Variants in WNK3 observed in about 807,000 individuals in gnomAD.
WNK3 encodes the protein WNK lysine deficient protein kinase 3.
WNK3 carries 18 observed loss-of-function variants against 116.7 expected under a neutral mutation model. That is an observed-to-expected ratio of 0.15 (90% CI 0.11 to 0.23). The LOEUF is 0.23. WNK3 is among the 10% of genes least tolerant of loss of function. The probability of loss-of-function intolerance (pLI) is 1.00; values close to 1 mark genes in which losing one functional copy is unlikely to be tolerated. For synonymous variants in WNK3, 404 were observed against 469.4 expected (o/e 0.86, Z 1.80); for missense variants, 993 against 1,323.8 (o/e 0.75, Z 3.88).
chrX:54,237,888 G>A (rs1168003766), intron 19 of WNK3, among the ~76,000 whole-genome samples: 1 of 111,426 alleles, frequency 9.0e-6, no homozygotes, highest in Non-Finnish European at 1.9e-5. Context: ...AAAGGTGAGG[G>A]GATGCATGCA....
At chrX:54,246,662 G>A (rs1347257586) in intron 17 of WNK3, among the ~76,000 whole-genome samples, 4 of 112,021 alleles carry the variant, frequency 3.6e-5, no homozygotes, top group African/African-American at 1.3e-4. Context: ...TTCCCTAAGA[G>A]CAACTAGACC....
chrX:54,238,796 T>A (rs2067990709), intron 18 of WNK3, 72 bp downstream of exon 18: 1 of 874,216 alleles, frequency 1.1e-6, no homozygotes, highest in African/African-American at 2.1e-5. Context: ...GATTTGTATA[T>A]GAACAACAAA....
chrX:54,331,097 A>G (rs1382963283), intron 2 of WNK3, among the ~76,000 whole-genome samples: 1 of 110,168 alleles, frequency 9.1e-6, no homozygotes, highest in East Asian at 2.8e-4. Flanking sequence ...CAGGAAGAAC[A>G]GCTAATGGAT....
At chrX:54,236,075 G>A (rs1274064145) in intron 20 of WNK3, among the ~76,000 whole-genome samples, 1 of 111,212 alleles carries the variant, frequency 9.0e-6, no homozygotes, top group African/African-American at 3.3e-5. Context: ...TGAACCATGT[G>A]GATAGAATTA....
At chrX:54,246,622 TAC>T (rs1557152728) in intron 17 of WNK3, among the ~76,000 whole-genome samples, 1 of 112,119 alleles carries the variant, frequency 8.9e-6, no homozygotes, top group Non-Finnish European at 1.9e-5. Context: ...TATACCAAGA[TAC>T]AGTCTGATAA....
exon 24 of WNK3, chrX:54,195,133 A>C (rs1480890295): frequency 1.8e-5 from 2 of 112,229 alleles, no homozygotes; most frequent in Non-Finnish European, 3.8e-5. Context: ...TGTTACACCC[A>C]ACTTCACAGA....
At chrX:54,277,490 A>G (rs1483273175) in intron 10 of WNK3, among the ~76,000 whole-genome samples, 1 of 109,092 alleles carries the variant, frequency 9.2e-6, no homozygotes, top group African/African-American at 3.3e-5. Flanking sequence ...GGCACGTGCC[A>G]CCACGCCCAG....
chrX:54,346,279 C>CAAAAAA (rs150788845), intron 1 of WNK3, among the ~76,000 whole-genome samples: 35 of 30,300 alleles, frequency 1.2e-3, no homozygotes, highest in South Asian at 4.5e-3. Flanking sequence ...GCTGATCAGC[C>CAAAAAA]AAAAAAAAAA....
chrX:54,340,720 T>C (rs1311286904), intron 1 of WNK3, among the ~76,000 whole-genome samples: 1 of 111,397 alleles, frequency 9.0e-6, no homozygotes. Flanking sequence ...AAAAGACCAA[T>C]AAACACATAA....
At chrX:54,212,198 C>T (rs936874415) in intron 22 of WNK3, among the ~76,000 whole-genome samples, 1 of 112,373 alleles carries the variant, frequency 8.9e-6, no homozygotes, top group African/African-American at 3.2e-5. Context: ...TGCACTCCAG[C>T]CTGTGGGACA....
chrX:54,343,015 A>T (rs1338919883), intron 1 of WNK3, among the ~76,000 whole-genome samples: 3 of 110,399 alleles, frequency 2.7e-5, no homozygotes, highest in Admixed American at 9.7e-5. Flanking sequence ...CACCTAGCTA[A>T]CTTTTTGTAT....
At chrX:54,201,253 T>C (rs2067498314) in intron 23 of WNK3, among the ~76,000 whole-genome samples, 2 of 111,977 alleles carry the variant, frequency 1.8e-5, no homozygotes, top group Non-Finnish European at 3.8e-5. Context: ...ATCTAATGTA[T>C]ATAATTTTGC....
At chrX:54,213,564 AC>A (rs1435607372) in intron 22 of WNK3, among the ~76,000 whole-genome samples, 1,161 of 94,612 alleles carry the variant, frequency 0.012, 203 homozygotes, top group African/African-American at 0.04. Flanking sequence ...AAAAAAAAAA[AC>A]AAACAAAAAA....
intron 22 of WNK3, among the ~76,000 whole-genome samples, chrX:54,222,865 G>A (rs1223875975): frequency 1.1e-5 from 1 of 91,961 alleles, no homozygotes; most frequent in Non-Finnish European, 2.1e-5. Flanking sequence ...GACAGAGTGA[G>A]ACTCTGTCTC....
At chrX:54,326,334 C>T (rs2069104906) in intron 2 of WNK3, among the ~76,000 whole-genome samples, 1 of 111,325 alleles carries the variant, frequency 9.0e-6, no homozygotes, top group Non-Finnish European at 1.9e-5. Context: ...TCGTGATCCG[C>T]CTGCCTCGGC....
intron 22 of WNK3, among the ~76,000 whole-genome samples, chrX:54,202,843 A>T (rs1393759943): frequency 9.0e-6 from 1 of 110,676 alleles, no homozygotes; most frequent in Non-Finnish European, 1.9e-5. Context: ...AGATTAAAAA[A>T]GAATCAAATA....
At chrX:54,292,737 T>G in intron 10 of WNK3, 151 bp downstream of exon 10, 1 of 469,155 alleles carries the variant, frequency 2.1e-6, no homozygotes, top group Non-Finnish European at 3.4e-6. Context: ...AAGGAATGTC[T>G]TGGGTGAAGG....
chrX:54,282,166 A>C (rs888547980), intron 10 of WNK3, among the ~76,000 whole-genome samples: 2 of 109,820 alleles, frequency 1.8e-5, no homozygotes, highest in African/African-American at 3.3e-5. Context: ...CAGCCTCCTG[A>C]GTAGCTGGGA....
intron 5 of WNK3, among the ~76,000 whole-genome samples, chrX:54,303,510 C>A (rs190714585): frequency 1.6e-4 from 18 of 111,225 alleles, no homozygotes; most frequent in Non-Finnish European, 2.1e-4. Flanking sequence ...TCTACTTCTA[C>A]GCCTGTCATG....
Sources: allele counts gnomAD v4.1 joint callset (sites outside exome capture counted in the v4.1 genomes callset), GRCh38; gene constraint gnomAD v4.1.1; transcripts MANE v1.5; gene names NCBI Gene and HGNC (gene_info 2026-07-23, HGNC 2026-07-21).